Variants in ROBO1 observed in about 807,000 individuals in gnomAD.
The protein encoded by ROBO1 is roundabout homolog 1.
Under a neutral mutation model 195.9 loss-of-function variants are expected in ROBO1, and 149 were observed. That is an observed-to-expected ratio of 0.76 (90% CI 0.67 to 0.87). The LOEUF is 0.87. Ranked by LOEUF, ROBO1 falls within the 40% of genes least tolerant of loss-of-function variation. ROBO1 has a pLI of 0.00. For synonymous variants in ROBO1, 816 were observed against 733.2 expected (o/e 1.11, Z -1.82); for missense variants, 1,933 against 2,068.3 (o/e 0.93, Z 1.27).
intron 2 of ROBO1, among the ~76,000 whole-genome samples, chr3:79,498,269 G>A (rs1400158448): frequency 6.6e-6 from 1 of 151,992 alleles, no homozygotes. Flanking sequence ...TATTGATGTA[G>A]ATCGATTTTC....
chr3:78,867,485 C>G (rs2035254055), intron 4 of ROBO1, among the ~76,000 whole-genome samples: 1 of 152,102 alleles, frequency 6.6e-6, no homozygotes, highest in South Asian at 2.1e-4. Context: ...TAAGACACAT[C>G]TGGAAATATT....
chr3:79,006,756 GGAAAA>G (rs2077631756), intron 3 of ROBO1, among the ~76,000 whole-genome samples: 1 of 48,304 alleles, frequency 2.1e-5, no homozygotes. Context: ...ACAAAATATC[GGAAAA>G]AAAAAAAAAA....
Position 78,662,060 on chromosome 3 carries a change from C to G in ROBO1, c.2021G>C (p.Gly674Ala), listed in dbSNP as rs765149483. 9 of 1,592,248 alleles carry G rather than the reference C, an allele frequency of 5.7e-6. No homozygotes were observed. In the African/African-American group the frequency reaches 9.4e-5, roughly 17 times the overall value. Residue 674 changes from glycine to alanine, a missense_variant, in exon 15 of 31, where the codon GGA (glycine) becomes GCA (alanine). Coordinates refer to ENST00000464233, the MANE Select transcript of ROBO1 (RefSeq NM_002941.4). ...GTTGTGGAGGTGCAGAACAGCATTTCCCAGCTCTCTCTGGACCTGCTTGTG... is the reference window on the plus strand; with the variant it reads ...GTTGTGGAGGTGCAGAACAGCATTTGCCAGCTCTCTCTGGACCTGCTTGTG... ...VDHKQVQREL[G>A]NAVLHLHNPT...
rs553001265 is a variant in ROBO1, at chr3:79,703,302, ATAAT to A, written c.-51+64446_-51+64449del. On this transcript the variant is annotated intron_variant, in intron 1 of 30. Coordinates refer to ENST00000464233, the MANE Select transcript of ROBO1 (RefSeq NM_002941.4). ...ATACATCCTTCTTTTCATTTTAATT[ATAAT>A]TAATCTATTTAATTAAGAAGAACAA... is the stretch of plus-strand genomic sequence containing the variant. Among the ~76,000 whole-genome samples the A allele has an allele frequency of 6.6e-5, 10 of 151,882 alleles. 1 individual carries two copies. In the South Asian group the frequency reaches 1.2e-3, roughly 19 times the overall value.
At chr3:79,342,378 T>C (rs1309021550) in intron 2 of ROBO1, among the ~76,000 whole-genome samples, 4 of 152,126 alleles carry the variant, frequency 2.6e-5, no homozygotes, top group African/African-American at 9.7e-5. Flanking sequence ...TCTGAAGTTA[T>C]AGAAAAAGGG....
intron 1 of ROBO1, among the ~76,000 whole-genome samples, chr3:79,707,549 C>G (rs1015142199): frequency 7.2e-5 from 11 of 152,128 alleles, no homozygotes; most frequent in Non-Finnish European, 1.6e-4. Flanking sequence ...TGCTCTGTTG[C>G]CCAGGCTAGA....
intron 1 of ROBO1, among the ~76,000 whole-genome samples, chr3:79,677,553 C>T (rs1056485442): frequency 6.6e-6 from 1 of 152,018 alleles, no homozygotes; most frequent in Non-Finnish European, 1.5e-5. Context: ...AGACCTGCCC[C>T]TGTGATTCAA....
At chr3:78,714,682 A>C (rs1320110594) in intron 7 of ROBO1, 158 bp from the exon 8 acceptor site, 11 of 586,310 alleles carry the variant, frequency 1.9e-5, no homozygotes, top group Non-Finnish European at 3.0e-5. Flanking sequence ...TGGCAGAAGA[A>C]AAGCTTGTTT....
intron 2 of ROBO1, among the ~76,000 whole-genome samples, chr3:79,250,715 T>C (rs950629808): frequency 6.6e-6 from 1 of 152,172 alleles, no homozygotes; most frequent in Non-Finnish European, 1.5e-5. Context: ...ACTAAATAAC[T>C]AATAATTTTA....
chr3:79,668,663 T>A (rs2106883560), intron 1 of ROBO1, among the ~76,000 whole-genome samples: 1 of 150,442 alleles, frequency 6.6e-6, no homozygotes, highest in Admixed American at 6.6e-5. Flanking sequence ...ATCTAAGCAA[T>A]TTACACACAC....
intron 2 of ROBO1, among the ~76,000 whole-genome samples, chr3:79,511,630 C>T (rs1940709741): frequency 6.6e-6 from 1 of 152,060 alleles, no homozygotes; most frequent in Admixed American, 6.6e-5. Context: ...AAAGCTAGCT[C>T]AAGACCAGAG....
intron 2 of ROBO1, among the ~76,000 whole-genome samples, chr3:79,493,425 T>G (rs940087383): frequency 6.6e-6 from 1 of 152,008 alleles, no homozygotes; most frequent in African/African-American, 2.4e-5. Flanking sequence ...ATTTAACAAT[T>G]ATTTTAAGGT....
At chr3:78,709,973 C>G (rs1006366602) in intron 8 of ROBO1, among the ~76,000 whole-genome samples, 2 of 152,158 alleles carry the variant, frequency 1.3e-5, no homozygotes, top group African/African-American at 4.8e-5. Context: ...AATAATTTAT[C>G]TACTTATTTT....
chr3:79,395,840 TAC>T (rs756344092), intron 2 of ROBO1, among the ~76,000 whole-genome samples: 2 of 152,176 alleles, frequency 1.3e-5, no homozygotes, highest in South Asian at 2.1e-4. Flanking sequence ...TCTCAATGGA[TAC>T]ACAGTTTTTT....
At chr3:78,871,742 C>A (rs1005119847) in intron 4 of ROBO1, among the ~76,000 whole-genome samples, 963 of 110,704 alleles carry the variant, frequency 8.7e-3, no homozygotes, top group East Asian at 0.013. Flanking sequence ...GCTTTCACAG[C>A]AAAAAAAAAA....
chr3:79,590,147 T>C (rs1457835728), intron 1 of ROBO1, among the ~76,000 whole-genome samples, 186 bp from the exon 2 acceptor site: 1 of 151,726 alleles, frequency 6.6e-6, no homozygotes, highest in Non-Finnish European at 1.5e-5. Flanking sequence ...TTCAAACAAA[T>C]GTGGTATTTA....
intron 2 of ROBO1, among the ~76,000 whole-genome samples, chr3:79,516,955 T>C (rs1409211009): frequency 6.6e-6 from 1 of 152,162 alleles, no homozygotes; most frequent in Non-Finnish European, 1.5e-5. Context: ...GAGTAGGTGT[T>C]CCCCACACTC....
intron 4 of ROBO1, among the ~76,000 whole-genome samples, chr3:78,901,933 T>C (rs1355969935): frequency 6.6e-6 from 1 of 152,198 alleles, no homozygotes; most frequent in East Asian, 1.9e-4. Context: ...ATAAAGTTCT[T>C]TCCAGGAAAT....
intron 2 of ROBO1, among the ~76,000 whole-genome samples, chr3:79,408,664 G>C (rs12487773): frequency 0.37 from 56,103 of 151,828 alleles, 10,965 homozygotes; most frequent in Admixed American, 0.5. Context: ...TCTTTTCCCA[G>C]CAGATGTTAT....
Sources: allele counts gnomAD v4.1 joint callset (sites outside exome capture counted in the v4.1 genomes callset), GRCh38; gene constraint gnomAD v4.1.1; transcripts MANE v1.5; gene names NCBI Gene and HGNC (gene_info 2026-07-23, HGNC 2026-07-21).